Variants in MYOT observed in about 807,000 individuals in gnomAD.
MYOT encodes myotilin.
Under a neutral mutation model 58.0 loss-of-function variants are expected in MYOT, and 36 were observed. The observed-to-expected ratio is 0.62, with a 90% CI of 0.48 to 0.82. The LOEUF is 0.82. Among genes scored for constraint, MYOT ranks in the 40% least tolerant of loss-of-function variants. MYOT has a pLI of 0.00. For synonymous variants in MYOT, 218 were observed against 204.6 expected (o/e 1.07, Z -0.56); for missense variants, 505 against 592.1 (o/e 0.85, Z 1.53).
intron 2 of MYOT, among the ~76,000 whole-genome samples, chr5:137,871,909 G>A (rs909818151): frequency 1.1e-4 from 17 of 152,136 alleles, no homozygotes; most frequent in African/African-American, 3.4e-4. Context: ...TTGTCTGATG[G>A]AATATGTTTT....
Position 137,875,921 on chromosome 5 carries a change from T to C in MYOT, c.449T>C (p.Ile150Thr), listed in dbSNP as rs1163332539. The C allele has an allele frequency of 6.2e-6, 10 of 1,613,882 alleles. No individual in the cohort carries two copies. The highest frequency in any genetic ancestry group is 7.6e-6 in the Non-Finnish European group (9 of 1,179,976). ...ATACCAAGAACTCCTGATCATGAAA[T>C]ACAAGGATCAAAAGAAGCTTTGATT... is the stretch of plus-strand genomic sequence containing the variant. ...KPIPRTPDHE[I>T]QGSKEALIQD... The change falls in exon 3 of 10, where the codon ATA (isoleucine) becomes ACA (threonine). Residue 150 changes from isoleucine to threonine, a missense_variant. Coordinates refer to ENST00000239926, the MANE Select transcript of MYOT (RefSeq NM_006790.3).
intron 3 of MYOT, among the ~76,000 whole-genome samples, 171 bp from the exon 4 acceptor site, chr5:137,877,349 C>T (rs1393950760): frequency 8.1e-5 from 10 of 122,864 alleles, no homozygotes; most frequent in African/African-American, 3.2e-5. Context: ...GCCTGGGCGA[C>T]GGAGTAAGAC....
intron 4 of MYOT, among the ~76,000 whole-genome samples, chr5:137,880,088 C>T (rs999139168): frequency 1.3e-5 from 2 of 152,172 alleles, no homozygotes; most frequent in Non-Finnish European, 2.9e-5. Context: ...GTGTTTTCCA[C>T]TTTGTATCTC....
chr5:137,885,946 T>C (rs918550659), intron 7 of MYOT, 102 bp from the exon 8 acceptor site: 4 of 775,056 alleles, frequency 5.2e-6, no homozygotes, highest in Non-Finnish European at 8.3e-6. Flanking sequence ...CTGTTGCTTT[T>C]TAACATTTTA....
chr5:137,887,011 T>C lies in MYOT; in HGVS notation c.1324+14T>C. ...TAGACGTTACGGGTATGTCATACTA[T>C]TAACCAAAGTATTATAAGGGATTTA... On this transcript the variant is annotated intron_variant, in intron 9 of 9. Coordinates refer to ENST00000239926, the MANE Select transcript of MYOT (RefSeq NM_006790.3). 1 of 1,610,610 alleles carries C rather than the reference T, an allele frequency of 6.2e-7. No individual in the cohort carries two copies. Among genetic ancestry groups the C allele is most frequent in the Non-Finnish European group, 8.5e-7 (1 of 1,176,838 alleles).
chr5:137,876,037 A>G (rs775916737), intron 3 of MYOT, 34 bp downstream of exon 3: 2 of 1,605,234 alleles, frequency 1.2e-6, no homozygotes, highest in Middle Eastern at 1.7e-4. Context: ...CAAAAGGCCA[A>G]TTAAACTATA....
chr5:137,870,477 G>A lies in MYOT; in HGVS notation c.-175G>A, dbSNP rs1240537819. The A allele has an allele frequency of 1.5e-6, 1 of 668,748 alleles. No individual in the cohort carries two copies. The highest frequency in any genetic ancestry group is 2.7e-6 in the Non-Finnish European group (1 of 372,520). 41.4% of individuals were successfully genotyped at this position (668,748 alleles called of 1,614,324 possible). On this transcript the variant is annotated 5_prime_UTR_variant, in exon 2 of 10. Coordinates refer to ENST00000239926, the MANE Select transcript of MYOT (RefSeq NM_006790.3). ...TTCAAGAGAAGGTCACTCTACCAAA[G>A]CCAGGAGCACAGTATTCTCAGGATC...
Position 137,875,838 on chromosome 5 carries a change from G to A in MYOT, c.366G>A (p.Gln122=). Residue 122 remains glutamine, a synonymous_variant, in exon 3 of 10, where the codon CAG becomes CAA. Transcript: ENST00000239926. The stretch of plus-strand genomic sequence containing the variant: ...TTTTTCCTTTTTAAAGCTATCAACA[G>A]TCCTCAGCTGGCCAACCTATAAATG... ...IPSAMDSNYQ[Q]SSAGQPINAK... 1.2e-6 allele frequency: 2 copies of A among 1,613,968 alleles called. No individual in the cohort carries two copies. Among genetic ancestry groups the A allele is most frequent in the Non-Finnish European group, 1.7e-6 (2 of 1,179,974 alleles).
At position 137,870,837 on chromosome 5, in the gene MYOT, C is replaced by T. The variant is rs142382856; in HGVS notation, c.186C>T (p.Ile62=). 8.7e-6 allele frequency: 14 copies of T among 1,614,176 alleles called. No individual in the cohort carries two copies. In the African/African-American group the frequency reaches 1.6e-4, roughly 18 times the overall value. The change falls in exon 2 of 10, where the codon ATC becomes ATT. Residue 62 remains isoleucine, a synonymous_variant. Coordinates refer to ENST00000239926, the MANE Select transcript of MYOT (RefSeq NM_006790.3). ...FSASSTLSSH[I]TMSSSAFPAS... ...CCTCCTCAACACTGAGCTCTCACAT[C>T]ACCATGTCCTCCTCTGCTTTCCCTG...
At chr5:137,886,735 T>C (rs1755613183) in intron 8 of MYOT, 129 bp from the exon 9 acceptor site, 1 of 747,484 alleles carries the variant, frequency 1.3e-6, no homozygotes, top group Non-Finnish European at 2.3e-6. Context: ...CAATAGCTAT[T>C]TGGCAATAAA....
rs562085813 is a variant in MYOT at position 137,881,400 on chromosome 5, C to T, written c.683+535C>T. On this transcript the variant is annotated intron_variant, in intron 5 of 9. Transcript: ENST00000239926. The stretch of plus-strand genomic sequence containing the variant: ...GATGGCTAGGCTGGACGCAGTGGCT[C>T]ACACCTGTAATCCCAGTACTTTGGA... Among the ~76,000 whole-genome samples the T allele has an allele frequency of 3.9e-5, 6 of 152,306 alleles. No individual in the cohort carries two copies. In the East Asian group the frequency reaches 1.2e-3, roughly 29 times the overall value.
rs773002668 is a variant in MYOT at position 137,887,008 on chromosome 5, C to A, written c.1324+11C>A. 1 of 1,611,278 alleles carries A rather than the reference C, an allele frequency of 6.2e-7. No homozygotes were observed. The highest frequency in any genetic ancestry group is 1.3e-5 in the African/African-American group (1 of 74,970). On this transcript the variant is annotated intron_variant, in intron 9 of 9. Transcript: ENST00000239926. ...GATTAGACGTTACGGGTATGTCATA[C>A]TATTAACCAAAGTATTATAAGGGAT...
At chr5:137,870,305 A>ACACACC (rs1755004247) in intron 1 of MYOT, 136 bp from the exon 2 acceptor site, 1 of 389,178 alleles carries the variant, frequency 2.6e-6, no homozygotes, top group Non-Finnish European at 4.9e-6. Flanking sequence ...ACACACACAC[A>ACACACC]CACACACACA....
At chr5:137,874,806 T>C (rs958158230) in intron 2 of MYOT, among the ~76,000 whole-genome samples, 3 of 152,266 alleles carry the variant, frequency 2.0e-5, no homozygotes, top group Non-Finnish European at 4.4e-5. Flanking sequence ...CTTTAGAAGT[T>C]ATTTGCTGTT....
intron 2 of MYOT, 40 bp downstream of exon 2, chr5:137,871,047 T>C (rs1219466060): frequency 2.6e-6 from 4 of 1,562,474 alleles, no homozygotes; most frequent in Admixed American, 1.8e-5. Context: ...AGTGAACTTA[T>C]ATCTGAGGAG....
intron 4 of MYOT, among the ~76,000 whole-genome samples, chr5:137,880,150 G>A (rs1561662196): frequency 6.6e-6 from 1 of 152,106 alleles, no homozygotes; most frequent in Non-Finnish European, 1.5e-5. Flanking sequence ...TAATCAATTA[G>A]TTCTCTTATA....
intron 4 of MYOT, among the ~76,000 whole-genome samples, chr5:137,878,957 G>T (rs1580857825): frequency 6.6e-6 from 1 of 152,082 alleles, no homozygotes; most frequent in East Asian, 1.9e-4. Flanking sequence ...ATTAAACCAG[G>T]AACACAAATA....
intron 2 of MYOT, among the ~76,000 whole-genome samples, chr5:137,871,573 C>G (rs539754225): frequency 6.6e-6 from 1 of 152,240 alleles, no homozygotes; most frequent in East Asian, 1.9e-4. Flanking sequence ...ATACATTTTC[C>G]TTACTGTGAT....
chr5:137,882,096 G>C lies in MYOT; in HGVS notation c.807G>C (p.Met269Ile). ...MSIDEGRFCR[M>I]DFKVSGLPAP... ...TTGATGAAGGAAGATTCTGCAGAATGGACTTCAAAGTAAGAGAAGGGTTCA... is the reference window on the plus strand; with the variant it reads ...TTGATGAAGGAAGATTCTGCAGAATCGACTTCAAAGTAAGAGAAGGGTTCA... The change falls in exon 6 of 10, where the codon ATG becomes ATC. Residue 269 changes from methionine (M) to isoleucine (I), a missense_variant. Physicochemically the swap from Met to Ile is conservative, Grantham distance 10. Transcript: ENST00000239926. The C allele has an allele frequency of 6.2e-7, 1 of 1,614,148 alleles. No homozygotes were observed. The highest frequency in any genetic ancestry group is 8.5e-7 in the Non-Finnish European group (1 of 1,180,004).
Sources: allele counts gnomAD v4.1 joint callset (sites outside exome capture counted in the v4.1 genomes callset), GRCh38; gene constraint gnomAD v4.1.1; transcripts MANE v1.5; gene names NCBI Gene and HGNC (gene_info 2026-07-23, HGNC 2026-07-21).